SNX13: variants seen among roughly 807,000 people sequenced by gnomAD.
The protein encoded by SNX13 is sorting nexin 13, also known as sorting nexin-13.
SNX13 carries 45 observed loss-of-function variants against 133.6 expected under a neutral mutation model. The observed-to-expected ratio is 0.34, with a 90% CI of 0.27 to 0.43. The LOEUF (loss-of-function observed/expected upper bound fraction) is 0.43. Among genes scored for constraint, SNX13 ranks in the 20% least tolerant of loss-of-function variants. SNX13 has a pLI of 1.00. For missense variants in SNX13, 1,032 were observed against 1,145.1 expected (o/e 0.90, Z 1.43); for synonymous variants, 414 against 373.9 (o/e 1.11, Z -1.24).
At position 17,793,987 on chromosome 7, in the gene SNX13, G is replaced by C. The variant is rs1583428779; in HGVS notation, c.*58C>G. On this transcript the variant is annotated 3_prime_UTR_variant, in exon 26 of 26. Coordinates refer to ENST00000428135, the MANE Select transcript of SNX13 (RefSeq NM_015132.5). Reference sequence around the variant, plus strand: ...ACAGTATTTGAGTTAAGCCCCAGAAGATCTGTCCATACCATTAGTCCTGGA... The same window carrying C: ...ACAGTATTTGAGTTAAGCCCCAGAACATCTGTCCATACCATTAGTCCTGGA... The C allele has an allele frequency of 6.4e-7, 1 of 1,560,716 alleles. No homozygotes were observed. The highest frequency in any genetic ancestry group is 2.3e-5 in the East Asian group (1 of 44,304).
At chr7:17,797,962 T>C (rs906433698) in intron 24 of SNX13, among the ~76,000 whole-genome samples, 3 of 151,828 alleles carry the variant, frequency 2.0e-5, no homozygotes, top group South Asian at 2.1e-4. Context: ...AAAAATGGCA[T>C]AAAATCAGAA....
At chr7:17,846,422 A>C (rs1477164255) in intron 11 of SNX13, among the ~76,000 whole-genome samples, 2 of 152,214 alleles carry the variant, frequency 1.3e-5, no homozygotes, top group Non-Finnish European at 2.9e-5. Context: ...TTGCCTATTA[A>C]GTCACAAAGC....
chr7:17,890,856 TAG>T (rs535712616), intron 4 of SNX13, among the ~76,000 whole-genome samples: 11 of 151,878 alleles, frequency 7.2e-5, no homozygotes, highest in Non-Finnish European at 1.0e-4. Flanking sequence ...TGTAAAATAA[TAG>T]AGACTATAAT....
chr7:17,890,881 G>GT (rs1276956638), intron 4 of SNX13, among the ~76,000 whole-genome samples: 2 of 151,612 alleles, frequency 1.3e-5, no homozygotes, highest in Admixed American at 6.6e-5. Context: ...CACAAAAAAA[G>GT]TTTTTTTAAA....
intron 1 of SNX13, among the ~76,000 whole-genome samples, chr7:17,915,402 T>C (rs2691574): frequency 0.4 from 61,420 of 151,852 alleles, 12,829 homozygotes; most frequent in South Asian, 0.6. Flanking sequence ...TCACAAGAAA[T>C]GTGGATAAAC....
intron 9 of SNX13, among the ~76,000 whole-genome samples, chr7:17,860,571 C>T (rs192778685): frequency 6.6e-6 from 1 of 152,240 alleles, no homozygotes; most frequent in East Asian, 1.9e-4. Context: ...AAGCTCTTCC[C>T]TTACATATTC....
rs946970582 is a variant in SNX13, at chr7:17,940,451, C to A, written c.-156G>T. ...TTACTCGGCTTCGCTGGCCTCCCCT[C>A]GGCCCGGTCGCTCGCGACGGACGCG... On this transcript the variant is annotated 5_prime_UTR_variant, in exon 1 of 26. Coordinates refer to ENST00000428135, the MANE Select transcript of SNX13 (RefSeq NM_015132.5). 3 of 814,812 alleles carry A rather than the reference C, an allele frequency of 3.7e-6. No individual in the cohort carries two copies. Among genetic ancestry groups the A allele is most frequent in the Non-Finnish European group, 6.2e-6 (3 of 486,510 alleles). 50.5% of individuals were successfully genotyped at this position (814,812 alleles called of 1,614,324 possible).
At chr7:17,912,446 G>C (rs1799086244) in intron 1 of SNX13, among the ~76,000 whole-genome samples, 3 of 151,174 alleles carry the variant, frequency 2.0e-5, no homozygotes, top group South Asian at 2.1e-4. Flanking sequence ...GTCTCACTCT[G>C]TTGCCCAGGT....
At chr7:17,801,389 G>A (rs1404880394) in intron 22 of SNX13, among the ~76,000 whole-genome samples, 199 bp downstream of exon 22, 1 of 151,676 alleles carries the variant, frequency 6.6e-6, no homozygotes, top group Non-Finnish European at 1.5e-5. Flanking sequence ...GAGGATGAAG[G>A]GCTTTTCTGG....
At chr7:17,892,280 AATC>A (rs1207546485) in intron 3 of SNX13, among the ~76,000 whole-genome samples, 1 of 152,088 alleles carries the variant, frequency 6.6e-6, no homozygotes, top group Non-Finnish European at 1.5e-5. Flanking sequence ...CATACTTAGA[AATC>A]ATATTTTAGA....
At position 17,792,745 on chromosome 7, in the gene SNX13, A is replaced by C. The variant is rs1783667868; in HGVS notation, c.*1300T>G. ...CCCTTAGGCAATGAAAGTATTTAAA[A>C]CTATGCAGAAATCCTGCATAGAAGG... On this transcript the variant is annotated 3_prime_UTR_variant, in exon 26 of 26. Coordinates refer to ENST00000428135, the MANE Select transcript of SNX13 (RefSeq NM_015132.5). The C allele has an allele frequency of 6.6e-6, 1 of 152,364 alleles. No individual in the cohort carries two copies. The highest frequency in any genetic ancestry group is 1.5e-5 in the Non-Finnish European group (1 of 67,870). The allele number at this position is 152,364 out of a possible 1,614,324, so 9.4% of individuals were successfully genotyped here. A position where few individuals can be genotyped will look rare whatever the true frequency, so the allele number is the denominator to read the frequency against.
chr7:17,816,058 A>C (rs1433031037), intron 19 of SNX13, 124 bp downstream of exon 19: 4 of 1,029,684 alleles, frequency 3.9e-6, no homozygotes, highest in African/African-American at 3.3e-5. Flanking sequence ...CATGCTGCAC[A>C]AAAGTGGTTG....
Position 17,803,457 on chromosome 7 carries a change from C to G in SNX13, c.2188G>C (p.Glu730Gln). Residue 730 changes from glutamate (E) to glutamine (Q), a missense_variant, in exon 21 of 26, where the codon GAA becomes CAA. Glu to Gln is a conservative substitution (Grantham distance 29). Coordinates refer to ENST00000428135, the MANE Select transcript of SNX13 (RefSeq NM_015132.5). Reference sequence around the variant, plus strand: ...TGCTTTATGTCTTGACCTAATCTTTCTGACATTTTGCCCATGTTGTCTGAC... The same window carrying G: ...TGCTTTATGTCTTGACCTAATCTTTGTGACATTTTGCCCATGTTGTCTGAC... ...KMSDNMGKMS[E>Q]RLGQDIKQSF... The G allele has an allele frequency of 1.2e-6, 2 of 1,612,298 alleles. No homozygotes were observed. Among genetic ancestry groups the G allele is most frequent in the Non-Finnish European group, 1.7e-6 (2 of 1,179,060 alleles).
At chr7:17,907,918 T>C (rs948291836) in intron 1 of SNX13, among the ~76,000 whole-genome samples, 1 of 152,338 alleles carries the variant, frequency 6.6e-6, no homozygotes, top group Admixed American at 6.5e-5. Context: ...ACCATTTATA[T>C]GTCCACCCAT....
intron 1 of SNX13, among the ~76,000 whole-genome samples, chr7:17,906,520 C>T (rs151290895): frequency 6.6e-6 from 1 of 152,032 alleles, no homozygotes; most frequent in Admixed American, 6.5e-5. Flanking sequence ...TCCAACTATA[C>T]TCCCACCTCA....
intron 5 of SNX13, among the ~76,000 whole-genome samples, chr7:17,878,580 T>A (rs1391009614): frequency 1.3e-5 from 2 of 152,218 alleles, no homozygotes; most frequent in Non-Finnish European, 2.9e-5. Flanking sequence ...GCCACCATCG[T>A]ATCCCTCGCC....
intron 16 of SNX13, among the ~76,000 whole-genome samples, chr7:17,826,935 T>C (rs939403321): frequency 6.6e-6 from 1 of 152,072 alleles, no homozygotes; most frequent in African/African-American, 2.4e-5. Flanking sequence ...GGATGGAATA[T>C]GGGAACTTAA....
In SNX13 at chr7:17,791,055, CA is replaced by C. The variant is rs1466146926; in HGVS notation, c.*2989del. Reference sequence around the variant, plus strand: ...ATTTACTACTAATAAAAGAATTTTCCAAGGAGTGACAAAAAGACTTTTAAAA... The same window carrying C: ...ATTTACTACTAATAAAAGAATTTTCCAGGAGTGACAAAAAGACTTTTAAAA... On this transcript the variant is annotated 3_prime_UTR_variant, in exon 26 of 26. Transcript: ENST00000428135. 6.6e-6 allele frequency: 1 copy of C among 151,828 alleles called. No homozygotes were observed. The highest frequency in any genetic ancestry group is 6.6e-5 in the Admixed American group (1 of 15,236). 9.4% of individuals were successfully genotyped at this position (151,828 alleles called of 1,614,324 possible). A position where few individuals can be genotyped will look rare whatever the true frequency, so the allele number is the denominator to read the frequency against.
chr7:17,849,894 C>A (rs1457262619), intron 11 of SNX13, among the ~76,000 whole-genome samples: 1 of 152,222 alleles, frequency 6.6e-6, no homozygotes, highest in Non-Finnish European at 1.5e-5. Flanking sequence ...CTATACGCTA[C>A]TTTGCTTTAT....
Sources: allele counts gnomAD v4.1 joint callset (sites outside exome capture counted in the v4.1 genomes callset), GRCh38; gene constraint gnomAD v4.1.1; transcripts MANE v1.5; gene names NCBI Gene and HGNC (gene_info 2026-07-23, HGNC 2026-07-21).